Variants in THSD7B observed in about 807,000 individuals in gnomAD.
THSD7B encodes thrombospondin type-1 domain-containing protein 7B.
A neutral mutation model predicts 213.6 loss-of-function variants in THSD7B; 138 were observed. The observed-to-expected ratio is 0.65, with a 90% confidence interval of 0.56 to 0.74. THSD7B has a LOEUF of 0.74. Ranked by LOEUF, THSD7B falls within the 30% of genes least tolerant of loss-of-function variation. The pLI is 0.00. For synonymous variants in THSD7B, 742 were observed against 687.0 expected (o/e 1.08, Z -1.25); for missense variants, 1,931 against 1,991.5 (o/e 0.97, Z 0.58).
At chr2:137,560,192 C>T (rs947251857) in intron 15 of THSD7B, among the ~76,000 whole-genome samples, 5 of 152,086 alleles carry the variant, frequency 3.3e-5, no homozygotes, top group African/African-American at 7.2e-5. Flanking sequence ...ACCATTTGAC[C>T]CAGCCATCCC....
chr2:137,084,388 A>G (rs1355572650), intron 3 of THSD7B, among the ~76,000 whole-genome samples: 2 of 152,212 alleles, frequency 1.3e-5, no homozygotes, highest in South Asian at 2.1e-4. Flanking sequence ...AGCTGAGTGG[A>G]GAAAGTAGAA....
intron 22 of THSD7B, 99 bp from the exon 23 acceptor site, chr2:137,656,697 G>A (rs1683242234): frequency 8.8e-7 from 1 of 1,139,748 alleles, no homozygotes; most frequent in Non-Finnish European, 1.2e-6. Context: ...GGAACTGCAT[G>A]TATCACTGCA....
intron 15 of THSD7B, among the ~76,000 whole-genome samples, chr2:137,485,982 G>A (rs1688431980): frequency 6.6e-6 from 1 of 152,092 alleles, no homozygotes; most frequent in African/African-American, 2.4e-5. Context: ...CCCTAAAAGA[G>A]CTCCTGAAGG....
At chr2:137,033,944 C>G (rs2104855009) in intron 2 of THSD7B, among the ~76,000 whole-genome samples, 1 of 151,836 alleles carries the variant, frequency 6.6e-6, no homozygotes, top group African/African-American at 2.4e-5. Context: ...TCCCCCAATC[C>G]CCCTACCCCA....
intron 3 of THSD7B, among the ~76,000 whole-genome samples, chr2:137,071,961 G>C (rs987540621): frequency 6.6e-6 from 1 of 152,094 alleles, no homozygotes; most frequent in Non-Finnish European, 1.5e-5. Context: ...TGTTCCATTG[G>C]TCTATATCTC....
chr2:136,803,905 G>A (rs889075112), intron 1 of THSD7B, among the ~76,000 whole-genome samples: 4 of 152,160 alleles, frequency 2.6e-5, no homozygotes, highest in Non-Finnish European at 4.4e-5. Flanking sequence ...CCCTTCCTCT[G>A]CCTTTTTGTT....
chr2:137,566,974 G>T, intron 16 of THSD7B, among the ~76,000 whole-genome samples: 1 of 151,888 alleles, frequency 6.6e-6, no homozygotes, highest in East Asian at 2.0e-4. Context: ...AGGATTCCAG[G>T]GACAAGGAGA....
At chr2:137,385,672 G>T (rs1431497930) in intron 12 of THSD7B, among the ~76,000 whole-genome samples, 1 of 152,182 alleles carries the variant, frequency 6.6e-6, no homozygotes, top group African/African-American at 2.4e-5. Context: ...ATTGACTTCA[G>T]TGTCCACACA....
chr2:136,940,166 C>T (rs776288517), intron 2 of THSD7B, among the ~76,000 whole-genome samples: 8 of 152,112 alleles, frequency 5.3e-5, no homozygotes, highest in Non-Finnish European at 7.4e-5. Flanking sequence ...TCCCTCACCC[C>T]CCAACCTACC....
intron 2 of THSD7B, among the ~76,000 whole-genome samples, chr2:136,965,274 A>T (rs1345394653): frequency 6.6e-6 from 1 of 152,222 alleles, no homozygotes; most frequent in East Asian, 1.9e-4. Context: ...CAGAACAAAG[A>T]TAACTAATTT....
intron 16 of THSD7B, among the ~76,000 whole-genome samples, chr2:137,569,657 G>T (rs906312332): frequency 6.6e-6 from 1 of 151,988 alleles, no homozygotes; most frequent in Non-Finnish European, 1.5e-5. Context: ...AGTTATTTTT[G>T]GTGTTTCCCT....
chr2:137,207,399 G>A lies in THSD7B; in HGVS notation c.1724-23645G>A, dbSNP rs371897913. Among the ~76,000 whole-genome samples the A allele has an allele frequency of 7.9e-5, 12 of 152,096 alleles. No homozygotes were observed. The East Asian group carries it at 1.6e-3, about 20-fold the overall frequency. On this transcript the variant is annotated intron_variant, in intron 7 of 27. Transcript: ENST00000409968. ...CAAGCACTGCTGCCATGTAAAGGACGCATATTATAAAGAATTAGCAGTTAA... is the reference window on the plus strand; with the variant it reads ...CAAGCACTGCTGCCATGTAAAGGACACATATTATAAAGAATTAGCAGTTAA...
At chr2:137,446,021 TG>T (rs1687529323) in intron 14 of THSD7B, among the ~76,000 whole-genome samples, 1 of 143,458 alleles carries the variant, frequency 7.0e-6, no homozygotes, top group Admixed American at 6.8e-5. Flanking sequence ...TGTTTAGTAT[TG>T]AAAAAAAAAA....
rs143788795 is a variant in THSD7B at position 136,914,079 on chromosome 2, C to T, written c.139+31762C>T. Among the ~76,000 whole-genome samples, 266 of 152,300 alleles carry T rather than the reference C, an allele frequency of 1.7e-3. 4 individuals carry two copies. The East Asian group carries it at 0.046, about 26-fold the overall frequency. On this transcript the variant is annotated intron_variant, in intron 2 of 27. Coordinates refer to ENST00000409968, the MANE Select transcript of THSD7B (RefSeq NM_001316349.2). ...TTAAAGCCACTGGGGTGGAGCTGCC[C>T]AAGACCATGGGAACCCACCTCTTGC...
At chr2:137,496,376 G>A (rs1679566627) in intron 15 of THSD7B, among the ~76,000 whole-genome samples, 2 of 152,118 alleles carry the variant, frequency 1.3e-5, no homozygotes, top group Non-Finnish European at 2.9e-5. Context: ...ACATTTTAAA[G>A]ATAAACTTAA....
intron 2 of THSD7B, among the ~76,000 whole-genome samples, chr2:136,953,022 A>G (rs938603120): frequency 6.6e-5 from 10 of 152,360 alleles, no homozygotes; most frequent in African/African-American, 2.4e-4. Context: ...CTCAGGAAAA[A>G]AATGAAGATT....
chr2:137,609,116 A>G (rs1306304960), intron 17 of THSD7B, among the ~76,000 whole-genome samples: 1 of 152,236 alleles, frequency 6.6e-6, no homozygotes, highest in Non-Finnish European at 1.5e-5. Context: ...GAGACAATTG[A>G]AAGGCCAGAC....
At chr2:136,821,417 C>G (rs77806923) in intron 1 of THSD7B, among the ~76,000 whole-genome samples, 3,042 of 152,282 alleles carry the variant, frequency 0.02, 99 homozygotes, top group African/African-American at 0.068. Flanking sequence ...GGCCTGACTC[C>G]TCTGGAATGT....
intron 2 of THSD7B, among the ~76,000 whole-genome samples, chr2:136,906,940 T>TTTTTTG: frequency 1.2e-5 from 1 of 81,814 alleles, no homozygotes; most frequent in Admixed American, 1.2e-4. Flanking sequence ...TTCAAGGTTT[T>TTTTTTG]TTTTTTTTTT....
Sources: allele counts gnomAD v4.1 joint callset (sites outside exome capture counted in the v4.1 genomes callset), GRCh38; gene constraint gnomAD v4.1.1; transcripts MANE v1.5; gene names NCBI Gene and HGNC (gene_info 2026-07-23, HGNC 2026-07-21).